The following BBS10 variants were observed in gnomAD, a reference collection of about 807,000 sequenced individuals.
BBS10 encodes the protein BBSome complex assembly protein BBS10.
A neutral mutation model predicts 12.7 loss-of-function variants in BBS10; 13 were observed. That is an observed-to-expected ratio of 1.03 (90% CI 0.67 to 1.63). The LOEUF is 1.63. Ranked by LOEUF, BBS10 falls within the 40% of genes most tolerant of loss-of-function variation. The probability of loss-of-function intolerance (pLI) is 0.00; values close to 1 mark genes in which losing one functional copy is unlikely to be tolerated. For synonymous variants in BBS10, 294 were observed against 304.8 expected (o/e 0.96, Z 0.37); for missense variants, 858 against 858.0 (o/e 1.00, Z 0.00).
In BBS10 at chr12:76,346,442, C is replaced by G; in HGVS notation, c.1543G>C (p.Asp515His). The stretch of plus-strand genomic sequence containing the variant: ...AGCGTTTCAACTGTTTGGAATGTAT[C>G]TGTTGGTGTCAGTGTGGGGGTTGAA... ...PYSTPTLTPT[D>H]TFQTVETLTC... Residue 515 changes from aspartate to histidine, a missense_variant, in exon 2 of 2, where the codon GAT (aspartate) becomes CAT (histidine). Asp to His is a moderately conservative substitution (Grantham distance 81, BLOSUM62 -1). Coordinates refer to ENST00000650064, the MANE Select transcript of BBS10 (RefSeq NM_024685.4). 2 of 1,614,144 alleles carry G rather than the reference C, an allele frequency of 1.2e-6. No homozygotes were observed. The highest frequency in any genetic ancestry group is 1.7e-6 in the Non-Finnish European group (2 of 1,180,002).
In BBS10 at chr12:76,345,529, C is replaced by A; in HGVS notation, c.*284G>T. 1.2e-5 allele frequency: 4 copies of A among 334,016 alleles called. No homozygotes were observed. Among genetic ancestry groups the A allele is most frequent in the South Asian group, 1.1e-4 (3 of 27,868 alleles). 20.7% of individuals were successfully genotyped at this position (334,016 alleles called of 1,614,324 possible). ...GTAAAAAGGAGCTATAAAGAAAAACCCTCCCCTAAACACATAGGCTAACAC... is the reference window on the plus strand; with the variant it reads ...GTAAAAAGGAGCTATAAAGAAAAACACTCCCCTAAACACATAGGCTAACAC... On this transcript the variant is annotated 3_prime_UTR_variant, in exon 2 of 2. Coordinates refer to ENST00000650064, the MANE Select transcript of BBS10 (RefSeq NM_024685.4).
Position 76,347,656 on chromosome 12 carries a change from C to T in BBS10, c.329G>A (p.Cys110Tyr), listed in dbSNP as rs2136091229. The T allele has an allele frequency of 6.2e-7, 1 of 1,613,476 alleles. No individual in the cohort carries two copies. The highest frequency in any genetic ancestry group is 8.5e-7 in the Non-Finnish European group (1 of 1,179,982). Residue 110 changes from cysteine (C) to tyrosine (Y), a missense_variant, in exon 2 of 2, where the codon TGT (cysteine) becomes TAT (tyrosine). By Grantham distance (194) the Cys-to-Tyr change is radical (BLOSUM62 -2). Transcript: ENST00000650064. Reference protein sequence around the residue: ...ITDREKDPLMCENIQTHGRHW... With the variant: ...ITDREKDPLMYENIQTHGRHW... The stretch of plus-strand genomic sequence containing the variant: ...CCTTCCATGGGTTTGAATGTTTTCA[C>T]ACATCAAAGGATCCTTTTCTCTGTC...
In BBS10 at chr12:76,345,781, T is replaced by C. The variant is rs778436261; in HGVS notation, c.*32A>G. On this transcript the variant is annotated 3_prime_UTR_variant, in exon 2 of 2. Coordinates refer to ENST00000650064, the MANE Select transcript of BBS10 (RefSeq NM_024685.4). ...ACTGCTTTACTTGGCTTGAGTTAGA[T>C]GAAAAGTTTGGTTAATTAAAAACTT... 9 of 1,592,878 alleles carry C rather than the reference T, an allele frequency of 5.7e-6. No individual in the cohort carries two copies. Among genetic ancestry groups the C allele is most frequent in the African/African-American group, 4.0e-5 (3 of 74,566 alleles).
chr12:76,346,148 A>C lies in BBS10; in HGVS notation c.1837T>G (p.Tyr613Asp). 1 of 1,610,418 alleles carries C rather than the reference A, an allele frequency of 6.2e-7. No homozygotes were observed. Among genetic ancestry groups the C allele is most frequent in the South Asian group, 1.1e-5 (1 of 90,466 alleles). The change falls in exon 2 of 2, where the codon TAT (tyrosine) becomes GAT (aspartate). Residue 613 changes from tyrosine (Y) to aspartate (D), a missense_variant. Physicochemically the swap from Tyr to Asp is radical, Grantham distance 160. Transcript: ENST00000650064. ...GGNFEILLHY[Y>D]LLNYAKKCHQ... is the part of the protein sequence containing the mutation. The stretch of plus-strand genomic sequence containing the variant: ...CATTTTTTGGCATAATTGAGAAGAT[A>C]GTAATGTAACAAGATCTCAAAATTA...
chr12:76,348,415 CAG>C (rs1045657513), upstream of BBS10: 19 of 1,538,730 alleles, frequency 1.2e-5, no homozygotes, highest in African/African-American at 2.1e-4. Context: ...CGACCGAAAA[CAG>C]GGGTGGGAAC....
In BBS10 at chr12:76,347,081, G is replaced by A. The variant is rs954562822; in HGVS notation, c.904C>T (p.His302Tyr). ...ATGAGCAATTTTACATTCTGACTAT[G>A]TAGATGTTTCATTATTGCTTTTGTC... ...EKTKAIMKHL[H>Y]SQNVKLLISS... is the part of the protein sequence containing the mutation. Residue 302 changes from histidine to tyrosine, a missense_variant, in exon 2 of 2, where the codon CAT (histidine) becomes TAT (tyrosine). By Grantham distance (83) the His-to-Tyr change is moderately conservative. Coordinates refer to ENST00000650064, the MANE Select transcript of BBS10 (RefSeq NM_024685.4). 2 of 1,613,016 alleles carry A rather than the reference G, an allele frequency of 1.2e-6. No homozygotes were observed. The highest frequency in any genetic ancestry group is 2.7e-5 in the African/African-American group (2 of 75,022).
Position 76,346,139 on chromosome 12 carries a change from T to G in BBS10, c.1846A>C (p.Asn616His), listed in dbSNP as rs766007476. The G allele has an allele frequency of 1.2e-6, 2 of 1,609,704 alleles. No homozygotes were observed. Among genetic ancestry groups the G allele is most frequent in the Non-Finnish European group, 8.5e-7 (1 of 1,178,694 alleles). Residue 616 changes from asparagine (N) to histidine (H), a missense_variant, in exon 2 of 2, where the codon AAT becomes CAT. Transcript: ENST00000650064. ...GATTGATGGCATTTTTTGGCATAAT[T>G]GAGAAGATAGTAATGTAACAAGATC... is the stretch of plus-strand genomic sequence containing the variant. ...FEILLHYYLL[N>H]YAKKCHQSEE...
At position 76,346,620 on chromosome 12, in the gene BBS10, A is replaced by T. The variant is rs778731343; in HGVS notation, c.1365T>A (p.Tyr455Ter). The T allele has an allele frequency of 6.2e-7, 1 of 1,613,988 alleles. No homozygotes were observed. The highest frequency in any genetic ancestry group is 2.2e-5 in the East Asian group (1 of 44,888). ...AGCCATTACCAGGATCTGGTGCTTG[A>T]TAACTTTCTCCACTGTTCTTATAAA... ...LFIYKNSGES[Y>*]QAPDPGNGSI... The change falls in exon 2 of 2, where the codon TAT becomes TAA. Residue 455 changes from tyrosine to a stop codon, truncating the protein, a stop_gained. Coordinates refer to ENST00000650064, the MANE Select transcript of BBS10 (RefSeq NM_024685.4). LOFTEE classifies it low-confidence loss of function (END_TRUNC).
At position 76,345,510 on chromosome 12, in the gene BBS10, AG is replaced by A; in HGVS notation, c.*302del. On this transcript the variant is annotated 3_prime_UTR_variant, in exon 2 of 2. Coordinates refer to ENST00000650064, the MANE Select transcript of BBS10 (RefSeq NM_024685.4). ...GTGAAAAAGATACAGGAGAGTAAAA[AG>A]GAGCTATAAAGAAAAACCCTCCCCT... The A allele has an allele frequency of 3.2e-6, 1 of 309,124 alleles. No individual in the cohort carries two copies. Among genetic ancestry groups the A allele is most frequent in the Non-Finnish European group, 6.2e-6 (1 of 160,702 alleles). The allele number at this position is 309,124 out of a possible 1,614,324, so 19.1% of individuals were successfully genotyped here. A position where few individuals can be genotyped will look rare whatever the true frequency, so the allele number is the denominator to read the frequency against.
Position 76,345,584 on chromosome 12 carries a change from GA to G in BBS10, c.*228del. ...CTGAGACACAGAGGCATAAAATAGG[GA>G]AAAAACAGACACACTTAGCCAAATC... On this transcript the variant is annotated 3_prime_UTR_variant, in exon 2 of 2. Coordinates refer to ENST00000650064, the MANE Select transcript of BBS10 (RefSeq NM_024685.4). 2.0e-6 allele frequency: 1 copy of G among 500,990 alleles called. No individual in the cohort carries two copies. Among genetic ancestry groups the G allele is most frequent in the South Asian group, 2.1e-5 (1 of 48,140 alleles). 31.0% of individuals were successfully genotyped at this position (500,990 alleles called of 1,614,324 possible).
At position 76,347,441 on chromosome 12, in the gene BBS10, C is replaced by T. The variant is rs890996897; in HGVS notation, c.544G>A (p.Val182Met). 10 of 1,613,718 alleles carry T rather than the reference C, an allele frequency of 6.2e-6. No individual in the cohort carries two copies. In the South Asian group the frequency reaches 9.9e-5, roughly 16 times the overall value. The change falls in exon 2 of 2, where the codon GTG becomes ATG. Residue 182 changes from valine to methionine, a missense_variant. By Grantham distance (21) the Val-to-Met change is conservative (BLOSUM62 1). Coordinates refer to ENST00000650064, the MANE Select transcript of BBS10 (RefSeq NM_024685.4). The part of the protein sequence containing the change: ...LLLEAYFCGR[V>M]GRNNHKFISQ... Reference sequence around the variant, plus strand: ...ATAAATTTATGATTATTTCTTCCCACTCTTCCACAAAAGTATGCTTCTAAG... The same window carrying T: ...ATAAATTTATGATTATTTCTTCCCATTCTTCCACAAAAGTATGCTTCTAAG...
chr12:76,347,211 C>G lies in BBS10; in HGVS notation c.774G>C (p.Val258=). 2 of 1,611,774 alleles carry G rather than the reference C, an allele frequency of 1.2e-6. No homozygotes were observed. Among genetic ancestry groups the G allele is most frequent in the Non-Finnish European group, 1.7e-6 (2 of 1,179,926 alleles). Residue 258 remains valine, a synonymous_variant, in exon 2 of 2, where the codon GTG becomes GTC. Coordinates refer to ENST00000650064, the MANE Select transcript of BBS10 (RefSeq NM_024685.4). ...GAGGCTGAATGGTTTCTGTTACTAT[C>G]ACCATTCGCATGTCACCATCTGCTG... ...YRPADGDMRM[V]IVTETIQPLF...
In BBS10 at chr12:76,347,788, C is replaced by G. The variant is rs1555202740; in HGVS notation, c.198-1G>C. The G allele has an allele frequency of 6.2e-7, 1 of 1,600,186 alleles. No individual in the cohort carries two copies. The highest frequency in any genetic ancestry group is 1.3e-5 in the African/African-American group (1 of 74,764). The stretch of plus-strand genomic sequence containing the variant: ...ACTGGAAACACAGTCCACTATCATC[C>G]TGTACAAAAAAGAAATAAAGCAACT... On this transcript the variant is annotated splice_acceptor_variant, in intron 1 of 1. Transcript: ENST00000650064. LOFTEE classifies it high-confidence loss of function.
At position 76,347,298 on chromosome 12, in the gene BBS10, A is replaced by T. The variant is rs749392946; in HGVS notation, c.687T>A (p.Pro229=). 3 of 1,613,788 alleles carry T rather than the reference A, an allele frequency of 1.9e-6. No individual in the cohort carries two copies. The highest frequency in any genetic ancestry group is 2.5e-6 in the Non-Finnish European group (3 of 1,179,860). The change falls in exon 2 of 2, where the codon CCT becomes CCA. Residue 229 remains proline, a synonymous_variant. Coordinates refer to ENST00000650064, the MANE Select transcript of BBS10 (RefSeq NM_024685.4). ...VELNVGVTGL[P]VSDSRIIAGL... is the part of the protein sequence containing the mutation. ...CAGCTATGATCCTGGAATCTGAAACAGGAAGGCCAGTGACACCAACATTCA... is the reference window on the plus strand; with the variant it reads ...CAGCTATGATCCTGGAATCTGAAACTGGAAGGCCAGTGACACCAACATTCA...
rs1160359390 is a variant in BBS10 at position 76,346,159 on chromosome 12, A to C, written c.1826T>G (p.Leu609Trp). ...ATAATTGAGAAGATAGTAATGTAAC[A>C]AGATCTCAAAATTACCACCTACTGG... ...VLPVGGNFEILLHYYLLNYAK... is the reference protein window; with the variant it reads ...VLPVGGNFEIWLHYYLLNYAK... Residue 609 changes from leucine to tryptophan, a missense_variant, in exon 2 of 2, where the codon TTG (leucine) becomes TGG (tryptophan). By Grantham distance (61) the Leu-to-Trp change is moderately conservative (BLOSUM62 -2). Coordinates refer to ENST00000650064, the MANE Select transcript of BBS10 (RefSeq NM_024685.4). 6.2e-7 allele frequency: 1 copy of C among 1,610,378 alleles called. No individual in the cohort carries two copies. The highest frequency in any genetic ancestry group is 8.5e-7 in the Non-Finnish European group (1 of 1,179,048).
rs886049840 is a variant in BBS10 at position 76,344,623 on chromosome 12, G to GT, written c.*1189dup. The GT allele has an allele frequency of 4.6e-5, 7 of 152,164 alleles. No individual in the cohort carries two copies. The highest frequency in any genetic ancestry group is 3.4e-3 in the Middle Eastern group (1 of 294). The allele number at this position is 152,164 out of a possible 1,614,324, so 9.4% of individuals were successfully genotyped here. A position where few individuals can be genotyped will look rare whatever the true frequency, so the allele number is the denominator to read the frequency against. On this transcript the variant is annotated 3_prime_UTR_variant, in exon 2 of 2. Coordinates refer to ENST00000650064, the MANE Select transcript of BBS10 (RefSeq NM_024685.4). ...TAATATAAAAAATTTTGATATTATA[G>GT]TTTTTAAAATACATTAGTCAACACT...
chr12:76,347,920 T>C, intron 1 of BBS10, 133 bp from the exon 2 acceptor site: 2 of 1,123,482 alleles, frequency 1.8e-6, no homozygotes, highest in Non-Finnish European at 2.5e-6. Flanking sequence ...TTTCCTTTCT[T>C]GGAAAAAACT....
Position 76,347,384 on chromosome 12 carries a change from A to G in BBS10, c.601T>C (p.Cys201Arg). 2.5e-6 allele frequency: 4 copies of G among 1,614,072 alleles called. No individual in the cohort carries two copies. Among genetic ancestry groups the G allele is most frequent in the Non-Finnish European group, 3.4e-6 (4 of 1,180,028 alleles). Residue 201 changes from cysteine to arginine, a missense_variant, in exon 2 of 2, where the codon TGT becomes CGT. By Grantham distance (180) the Cys-to-Arg change is radical. Transcript: ENST00000650064. The part of the protein sequence containing the change: ...SQLMCDYFFK[C>R]MTCKSGIGVF... ...CCAATCCCACTTTTACAAGTCATAC[A>G]CTTGAAAAAGTAGTCACACATCAAC...
At position 76,346,216 on chromosome 12, in the gene BBS10, A is replaced by C. The variant is rs776239463; in HGVS notation, c.1769T>G (p.Leu590Arg). The C allele has an allele frequency of 3.1e-6, 5 of 1,611,866 alleles. No homozygotes were observed. Among genetic ancestry groups the C allele is most frequent in the Admixed American group, 1.7e-5 (1 of 59,742 alleles). The change falls in exon 2 of 2, where the codon CTT becomes CGT. Residue 590 changes from leucine to arginine, a missense_variant. By Grantham distance (102) the Leu-to-Arg change is moderately radical (BLOSUM62 -2). Transcript: ENST00000650064. ...ACAACCAGCTGGCATAGATGAGGAAAGGTAACTCTGGGAAGTACCCATATT... is the reference window on the plus strand; with the variant it reads ...ACAACCAGCTGGCATAGATGAGGAACGGTAACTCTGGGAAGTACCCATATT... ...LPNMGTSQSY[L>R]SSSMPAGCVL...
Sources: allele counts gnomAD v4.1 joint callset, GRCh38; gene constraint gnomAD v4.1.1; transcripts MANE v1.5; gene names NCBI Gene and HGNC (gene_info 2026-07-23, HGNC 2026-07-21).